Variants in NKAIN2 observed in about 807,000 individuals in gnomAD.
The protein encoded by NKAIN2 is sodium/potassium transporting ATPase interacting 2, also known as sodium/potassium-transporting ATPase subunit beta-1-interacting protein 2.
NKAIN2 carries 14 observed loss-of-function variants against 32.6 expected under a neutral mutation model. That is an observed-to-expected ratio of 0.43 (90% CI 0.28 to 0.67). The LOEUF is 0.67. Ranked by LOEUF, NKAIN2 falls within the 30% of genes least tolerant of loss-of-function variation. The pLI is 0.17. For missense variants in NKAIN2, 198 were observed against 258.3 expected, an observed-to-expected ratio of 0.77 and a Z score of 1.60; for synonymous variants, 80 against 87.2, an observed-to-expected ratio of 0.92 and a Z score of 0.46.
intron 1 of NKAIN2, among the ~76,000 whole-genome samples, chr6:123,930,305 A>G (rs1349065065): frequency 1.3e-5 from 2 of 151,584 alleles, no homozygotes; most frequent in African/African-American, 2.4e-5. Context: ...ATATAGCCAG[A>G]GTAGGATTTA....
At chr6:124,631,312 C>T (rs1783555868) in intron 3 of NKAIN2, among the ~76,000 whole-genome samples, 1 of 151,986 alleles carries the variant, frequency 6.6e-6, no homozygotes, top group Admixed American at 6.6e-5. Context: ...TGGGAATAAA[C>T]CAGTAATTTA....
intron 1 of NKAIN2, among the ~76,000 whole-genome samples, chr6:124,262,491 T>C (rs1794299172): frequency 6.6e-6 from 1 of 152,166 alleles, no homozygotes; most frequent in Admixed American, 6.5e-5. Flanking sequence ...TTGGAAACAT[T>C]ACAGGAAATG....
At chr6:124,504,678 G>A (rs1256414464) in intron 3 of NKAIN2, among the ~76,000 whole-genome samples, 2 of 152,208 alleles carry the variant, frequency 1.3e-5, no homozygotes, top group Non-Finnish European at 2.9e-5. Context: ...TGAATTGAAA[G>A]TATCAGCAGG....
intron 3 of NKAIN2, among the ~76,000 whole-genome samples, chr6:124,374,883 G>A (rs1238178428): frequency 6.6e-6 from 1 of 152,068 alleles, no homozygotes; most frequent in Non-Finnish European, 1.5e-5. Context: ...TAATAGTTCT[G>A]TAGGAAAGAA....
intron 3 of NKAIN2, among the ~76,000 whole-genome samples, chr6:124,626,234 G>GAAAT (rs1216404890): frequency 6.6e-6 from 1 of 151,678 alleles, no homozygotes; most frequent in Admixed American, 6.6e-5. Flanking sequence ...GAACTTAGTG[G>GAAAT]AAATATAGTA....
intron 1 of NKAIN2, among the ~76,000 whole-genome samples, chr6:124,033,738 G>C (rs1781497622): frequency 6.6e-6 from 1 of 152,068 alleles, no homozygotes; most frequent in Admixed American, 6.6e-5. Flanking sequence ...AGGTTGTCAG[G>C]GAAACAGGAA....
rs930994394 is a variant in NKAIN2, at chr6:123,951,998, ATCT to A, written c.54+147751_54+147753del. On this transcript the variant is annotated intron_variant, in intron 1 of 6. Transcript: ENST00000368417. Reference sequence around the variant, plus strand: ...TGTGTTTGCTCTACCTTTGGTTTCTATCTTCTTCTGTGTTTTCATGATGGTACA... The same window carrying A: ...TGTGTTTGCTCTACCTTTGGTTTCTATCTTCTGTGTTTTCATGATGGTACA... 2.0e-5 allele frequency among the ~76,000 whole-genome samples: 3 copies of A among 148,402 alleles called. No individual in the cohort carries two copies. In the South Asian group the frequency reaches 6.4e-4, roughly 32 times the overall value.
chr6:124,023,447 A>G (rs1780964128), intron 1 of NKAIN2, among the ~76,000 whole-genome samples: 1 of 152,036 alleles, frequency 6.6e-6, no homozygotes, highest in African/African-American at 2.4e-5. Context: ...TAATTCTGTA[A>G]TCCTTTTCCA....
At chr6:123,880,132 C>A (rs1291899690) in intron 1 of NKAIN2, among the ~76,000 whole-genome samples, 2 of 152,124 alleles carry the variant, frequency 1.3e-5, no homozygotes, top group African/African-American at 4.8e-5. Context: ...GAGCACGAGG[C>A]ATTTTGCAGT....
At chr6:124,264,531 T>A (rs1374167930) in intron 1 of NKAIN2, among the ~76,000 whole-genome samples, 1 of 152,234 alleles carries the variant, frequency 6.6e-6, no homozygotes, top group Non-Finnish European at 1.5e-5. Context: ...TATAGTTGGT[T>A]ATTTCAAATG....
At chr6:124,692,525 G>A (rs189167980) in intron 4 of NKAIN2, among the ~76,000 whole-genome samples, 184 of 152,070 alleles carry the variant, frequency 1.2e-3, no homozygotes, top group Admixed American at 3.9e-3. Context: ...TAAAAATTAC[G>A]TAACATGAGG....
intron 4 of NKAIN2, among the ~76,000 whole-genome samples, chr6:124,787,261 C>T (rs994700675): frequency 6.6e-6 from 1 of 152,040 alleles, no homozygotes; most frequent in Non-Finnish European, 1.5e-5. Context: ...GTACAACAAA[C>T]CCCCATGACA....
intron 1 of NKAIN2, among the ~76,000 whole-genome samples, chr6:124,003,882 G>A (rs1310006655): frequency 3.9e-5 from 6 of 152,270 alleles, no homozygotes; most frequent in South Asian, 2.1e-4. Context: ...TATCAGTGGC[G>A]CAAGGATCAG....
intron 1 of NKAIN2, among the ~76,000 whole-genome samples, chr6:123,856,518 TAAAG>T (rs751167813): frequency 2.6e-5 from 4 of 152,366 alleles, no homozygotes. Flanking sequence ...CTCTATATCG[TAAAG>T]TTGGTAAGAG....
intron 1 of NKAIN2, among the ~76,000 whole-genome samples, chr6:123,962,704 C>T (rs1045340951): frequency 6.6e-6 from 1 of 152,124 alleles, no homozygotes; most frequent in African/African-American, 2.4e-5. Context: ...CACAGGTGCA[C>T]AACCCCACAC....
intron 1 of NKAIN2, among the ~76,000 whole-genome samples, chr6:124,151,767 ATATGCTT>A (rs1787737467): frequency 6.6e-6 from 1 of 151,986 alleles, no homozygotes; most frequent in African/African-American, 2.4e-5. Flanking sequence ...GTGCTTTTTA[ATATGCTT>A]ATTATGCATC....
chr6:124,650,835 A>G (rs1370488391), intron 3 of NKAIN2, among the ~76,000 whole-genome samples: 1 of 152,198 alleles, frequency 6.6e-6, no homozygotes, highest in Non-Finnish European at 1.5e-5. Context: ...TTTGATTTCA[A>G]TAACACCAAT....
At chr6:124,301,984 T>C (rs1285071812) in intron 2 of NKAIN2, among the ~76,000 whole-genome samples, 1 of 152,142 alleles carries the variant, frequency 6.6e-6, no homozygotes, top group Non-Finnish European at 1.5e-5. Flanking sequence ...GGTGGAATGA[T>C]ATGGTTTAGC....
intron 1 of NKAIN2, among the ~76,000 whole-genome samples, chr6:123,837,067 C>G (rs2114926361): frequency 6.6e-6 from 1 of 152,170 alleles, no homozygotes; most frequent in Non-Finnish European, 1.5e-5. Flanking sequence ...TTATAAGTAT[C>G]AGAAGAAATG....
Sources: allele counts gnomAD v4.1 joint callset (sites outside exome capture counted in the v4.1 genomes callset), GRCh38; gene constraint gnomAD v4.1.1; transcripts MANE v1.5; gene names NCBI Gene and HGNC (gene_info 2026-07-23, HGNC 2026-07-21).